The following FCRL5 variants were observed in gnomAD, a reference collection of about 807,000 sequenced individuals.
FCRL5 encodes Fc receptor-like protein 5.
A neutral mutation model predicts 92.1 loss-of-function variants in FCRL5; 79 were observed. The ratio of observed to expected loss-of-function variants is 0.86; its 90% CI spans 0.72 to 1.03. The LOEUF (loss-of-function observed/expected upper bound fraction) is 1.03, where lower values mean the gene tolerates loss of function less well. Among genes scored for constraint, FCRL5 ranks in the 50% least tolerant of loss-of-function variants. FCRL5 has a pLI of 0.00. For missense variants in FCRL5, 1,160 were observed against 1,181.1 expected (o/e 0.98, Z 0.26); for synonymous variants, 466 against 469.3 (o/e 0.99, Z 0.09).
At chr1:157,551,826 G>A (rs1260507415) in intron 1 of FCRL5, among the ~76,000 whole-genome samples, 1 of 152,130 alleles carries the variant, frequency 6.6e-6, no homozygotes, top group Admixed American at 6.6e-5. Flanking sequence ...ACGCCTCTGC[G>A]ACCTCCTCCA....
At chr1:157,538,139 CT>C (rs1190886433) in intron 7 of FCRL5, among the ~76,000 whole-genome samples, 1 of 152,208 alleles carries the variant, frequency 6.6e-6, no homozygotes, top group African/African-American at 2.4e-5. Context: ...CCTGTCTCCA[CT>C]TTCCTTGGGC....
At chr1:157,551,611 C>T (rs1571119306) in intron 1 of FCRL5, among the ~76,000 whole-genome samples, 1 of 152,192 alleles carries the variant, frequency 6.6e-6, no homozygotes, top group East Asian at 1.9e-4. Flanking sequence ...CGTAGTGTCT[C>T]CTATGGACTC....
rs1158642276 is a variant in FCRL5, at chr1:157,524,261, T to C, written c.2239+18A>G. The C allele has an allele frequency of 6.2e-7, 1 of 1,613,648 alleles. No homozygotes were observed. Among genetic ancestry groups the C allele is most frequent in the Admixed American group, 1.7e-5 (1 of 60,016 alleles). On this transcript the variant is annotated intron_variant, in intron 10 of 16. Transcript: ENST00000361835. ...AGTCAGTTCTCAGATGTGCTGCTGGTGGGCAGGGCCCACTCACCTGCAACT... is the reference window on the plus strand; with the variant it reads ...AGTCAGTTCTCAGATGTGCTGCTGGCGGGCAGGGCCCACTCACCTGCAACT...
chr1:157,516,292 A>C (rs137911138), intron 15 of FCRL5, among the ~76,000 whole-genome samples: 2 of 152,048 alleles, frequency 1.3e-5, no homozygotes, highest in African/African-American at 4.8e-5. Flanking sequence ...GGTTGGGGGA[A>C]GTCACTCAAC....
intron 4 of FCRL5, 63 bp downstream of exon 4, chr1:157,544,768 T>A (rs1571109261): frequency 6.3e-7 from 1 of 1,596,360 alleles, no homozygotes; most frequent in East Asian, 2.2e-5. Flanking sequence ...TCCTGTTCTA[T>A]CTCTATGACC....
Position 157,544,344 on chromosome 1 carries a change from A to G in FCRL5, c.762T>C (p.Asp254=). 1 of 1,614,202 alleles carries G rather than the reference A, an allele frequency of 6.2e-7. No homozygotes were observed. Among genetic ancestry groups the G allele is most frequent in the Non-Finnish European group, 8.5e-7 (1 of 1,180,032 alleles). ...NFQITAMWSK[D]SGFYWCKAAT... ...CTGCCTTACACCAGTAGAACCCTGA[A>G]TCTTTACTCCACATGGCAGTAATCT... The change falls in exon 5 of 17, where the codon GAT becomes GAC. Residue 254 remains aspartate, a synonymous_variant. Coordinates refer to ENST00000361835, the MANE Select transcript of FCRL5 (RefSeq NM_031281.3).
intron 1 of FCRL5, among the ~76,000 whole-genome samples, chr1:157,551,973 T>A (rs1273539332): frequency 1.3e-5 from 2 of 152,030 alleles, no homozygotes; most frequent in African/African-American, 4.8e-5. Flanking sequence ...AATAAATACA[T>A]CTCCTCTGCA....
intron 6 of FCRL5, among the ~76,000 whole-genome samples, 195 bp from the exon 7 acceptor site, chr1:157,539,559 C>A (rs767367486): frequency 6.6e-6 from 1 of 152,216 alleles, no homozygotes. Flanking sequence ...AAGCTACATA[C>A]CTCCCTCAAA....
At chr1:157,524,983 T>G (rs1650364391) in intron 9 of FCRL5, among the ~76,000 whole-genome samples, 1 of 152,160 alleles carries the variant, frequency 6.6e-6, no homozygotes, top group Non-Finnish European at 1.5e-5. Flanking sequence ...ATTTTTACAT[T>G]CATTTATCCA....
chr1:157,552,413 C>G lies in FCRL5; in HGVS notation c.-51G>C. The stretch of plus-strand genomic sequence containing the variant: ...GATCAAAAGAGAAGTTTCCTCAATT[C>G]CAAAACAGGTTTGGACTTGATCTTA... On this transcript the variant is annotated 5_prime_UTR_variant, in exon 1 of 17. Transcript: ENST00000361835. 6.2e-7 allele frequency: 1 copy of G among 1,606,210 alleles called. No individual in the cohort carries two copies. The highest frequency in any genetic ancestry group is 8.5e-7 in the Non-Finnish European group (1 of 1,172,908).
chr1:157,548,783 C>CAACA (rs1290457004), intron 2 of FCRL5, among the ~76,000 whole-genome samples: 1 of 152,126 alleles, frequency 6.6e-6, no homozygotes, highest in Non-Finnish European at 1.5e-5. Context: ...AGTCAGGAAA[C>CAACA]AACAGGTGCT....
chr1:157,549,641 T>C, intron 1 of FCRL5, 61 bp from the exon 2 acceptor site: 1 of 1,532,660 alleles, frequency 6.5e-7, no homozygotes, highest in East Asian at 2.3e-5. Context: ...TTTAAGAAGA[T>C]AATTCCCTTT....
At chr1:157,518,976 A>G in intron 13 of FCRL5, 194 bp from the exon 14 acceptor site, 2 of 478,406 alleles carry the variant, frequency 4.2e-6, no homozygotes, top group Non-Finnish European at 7.3e-6. Flanking sequence ...CTTTCTGGTC[A>G]TCTAGTGTGT....
chr1:157,543,218 G>T (rs751668538), intron 5 of FCRL5, 81 bp from the exon 6 acceptor site: 15 of 1,356,060 alleles, frequency 1.1e-5, no homozygotes, highest in Admixed American at 4.1e-5. Context: ...CAAATGCCCA[G>T]TCTCCAGTCT....
At chr1:157,522,569 C>T (rs1186710434) in intron 10 of FCRL5, 1 of 152,158 alleles carries the variant, frequency 6.6e-6, no homozygotes, top group Non-Finnish European at 1.5e-5. Context: ...TAGCACAGAG[C>T]CTGGAACCTG....
In FCRL5 at chr1:157,544,256, A is replaced by C; in HGVS notation, c.844+6T>G. Reference sequence around the variant, plus strand: ...GCAGCAAATCTCAGGTTCCACCAACACTTACTCTGCACCTGTATCCAGGAT... The same window carrying C: ...GCAGCAAATCTCAGGTTCCACCAACCCTTACTCTGCACCTGTATCCAGGAT... On this transcript the variant is annotated splice_donor_region_variant and intron_variant, in intron 5 of 16. Transcript: ENST00000361835. The C allele has an allele frequency of 1.2e-6, 2 of 1,613,304 alleles. No homozygotes were observed. The highest frequency in any genetic ancestry group is 1.7e-6 in the Non-Finnish European group (2 of 1,179,350).
chr1:157,546,909 T>A lies in FCRL5; in HGVS notation c.307+34A>T, dbSNP rs764857517. 3.2e-5 allele frequency: 51 copies of A among 1,599,592 alleles called. No individual in the cohort carries two copies. In the South Asian group the frequency reaches 5.5e-4, roughly 17 times the overall value. On this transcript the variant is annotated intron_variant, in intron 3 of 16. Coordinates refer to ENST00000361835, the MANE Select transcript of FCRL5 (RefSeq NM_031281.3). Reference sequence around the variant, plus strand: ...AGAGAGAAACATGGGCTGAATTGATTTCTAAAGTTGGTGCGTCTTTCACGC... The same window carrying A: ...AGAGAGAAACATGGGCTGAATTGATATCTAAAGTTGGTGCGTCTTTCACGC...
At chr1:157,538,038 G>GGT (rs1186719550) in intron 7 of FCRL5, among the ~76,000 whole-genome samples, 1 of 152,124 alleles carries the variant, frequency 6.6e-6, no homozygotes, top group East Asian at 1.9e-4. Context: ...ACTACATCTA[G>GGT]GTGTATATAT....
intron 9 of FCRL5, 144 bp downstream of exon 9, chr1:157,527,473 T>C (rs3761961): frequency 0.86 from 621,540 of 725,472 alleles, 266,966 homozygotes; most frequent in South Asian, 0.92. Context: ...ATACAAAACT[T>C]AGAGATGGAG....
Sources: gnomAD v4.1 joint callset for allele counts (sites outside exome capture counted in the v4.1 genomes callset) on GRCh38, gnomAD v4.1.1 for gene constraint, MANE v1.5 for transcripts, NCBI Gene and HGNC (gene_info 2026-07-23, HGNC 2026-07-21) for gene names.